RARB: variants seen among roughly 807,000 people sequenced by gnomAD.
The protein encoded by RARB is HBV-activated protein.
RARB carries 17 observed loss-of-function variants against 51.9 expected under a neutral mutation model. The observed-to-expected ratio is 0.33, with a 90% CI of 0.22 to 0.49. The LOEUF is 0.49. Among genes scored for constraint, RARB ranks in the 20% least tolerant of loss-of-function variants. RARB has a pLI of 0.99. For synonymous variants in RARB, 215 were observed against 195.4 expected (o/e 1.10, Z -0.84); for missense variants, 369 against 550.8 (o/e 0.67, Z 3.30).
At chr3:25,176,684 G>GT (rs1271825881) in intron 5 of RARB, among the ~76,000 whole-genome samples, 7 of 151,870 alleles carry the variant, frequency 4.6e-5, no homozygotes, top group Non-Finnish European at 8.8e-5. Context: ...GTGAGCCACC[G>GT]TGCCCGGTCT....
At chr3:25,139,428 G>A (rs1700077805) in intron 4 of RARB, among the ~76,000 whole-genome samples, 1 of 152,154 alleles carries the variant, frequency 6.6e-6, no homozygotes, top group Non-Finnish European at 1.5e-5. Flanking sequence ...AAGTTTTAGT[G>A]GTGTGGATAG....
chr3:25,283,583 G>A (rs1703576996), intron 5 of RARB, among the ~76,000 whole-genome samples: 1 of 152,182 alleles, frequency 6.6e-6, no homozygotes. Context: ...TTATTTAATG[G>A]AAATGGAGTA....
At chr3:25,150,592 G>C (rs80289376) in intron 4 of RARB, among the ~76,000 whole-genome samples, 12,885 of 152,182 alleles carry the variant, frequency 0.085, 713 homozygotes, top group Non-Finnish European at 0.13. Flanking sequence ...ACCCTTTTAA[G>C]AAATCCAGCC....
intron 2 of RARB, among the ~76,000 whole-genome samples, chr3:24,877,345 A>ATTTTTTTTTTTTTT (rs1559379782): frequency 4.5e-4 from 8 of 17,752 alleles, no homozygotes; most frequent in Admixed American, 6.3e-4. Flanking sequence ...AAGCAATCTT[A>ATTTTTTTTTTTTTT]CTTTTTTTTT....
At chr3:25,329,806 A>G (rs1291950238) in intron 5 of RARB, among the ~76,000 whole-genome samples, 3 of 152,238 alleles carry the variant, frequency 2.0e-5, no homozygotes, top group Admixed American at 6.5e-5. Flanking sequence ...TAACCAGTGT[A>G]GAGAAGTCCT....
intron 5 of RARB, among the ~76,000 whole-genome samples, chr3:25,373,804 T>C (rs190936341): frequency 6.6e-6 from 1 of 152,252 alleles, no homozygotes; most frequent in African/African-American, 2.4e-5. Context: ...TGACTTGAAC[T>C]TTAGAGAGGC....
intron 3 of RARB, among the ~76,000 whole-genome samples, chr3:25,087,117 G>T (rs1699119131): frequency 6.6e-6 from 1 of 151,876 alleles, no homozygotes; most frequent in Non-Finnish European, 1.5e-5. Flanking sequence ...GTATCTTATT[G>T]CTACAAAGAG....
At chr3:25,190,282 C>T (rs900588440) in intron 5 of RARB, among the ~76,000 whole-genome samples, 1 of 151,994 alleles carries the variant, frequency 6.6e-6, no homozygotes, top group African/African-American at 2.4e-5. Flanking sequence ...CCTTACACCC[C>T]CAACCAGGCC....
chr3:25,340,219 T>C (rs528187284), intron 5 of RARB, among the ~76,000 whole-genome samples: 2 of 152,074 alleles, frequency 1.3e-5, no homozygotes, highest in Non-Finnish European at 2.9e-5. Flanking sequence ...GAAAGACTAA[T>C]GGAAAAAAAA....
At chr3:25,204,839 G>A (rs1012940521) in intron 5 of RARB, among the ~76,000 whole-genome samples, 1 of 152,188 alleles carries the variant, frequency 6.6e-6, no homozygotes, top group African/African-American at 2.4e-5. Context: ...GCCCCTACTT[G>A]GGGGTGCCTG....
chr3:25,358,429 G>A (rs1705819651), intron 5 of RARB, among the ~76,000 whole-genome samples: 1 of 152,172 alleles, frequency 6.6e-6, no homozygotes, highest in Non-Finnish European at 1.5e-5. Flanking sequence ...TCTGCAAACA[G>A]AGACAACTTG....
At chr3:24,999,874 G>A (rs1156866651) in intron 2 of RARB, among the ~76,000 whole-genome samples, 1 of 152,006 alleles carries the variant, frequency 6.6e-6, no homozygotes, top group African/African-American at 2.4e-5. Flanking sequence ...GACAACTCCA[G>A]GATTACCACT....
chr3:25,391,647 T>G (rs1403001816), intron 5 of RARB, among the ~76,000 whole-genome samples: 2 of 152,184 alleles, frequency 1.3e-5, no homozygotes, highest in African/African-American at 4.8e-5. Context: ...ATTAGTGATG[T>G]GGGGCATTTT....
chr3:24,887,945 G>T (rs148105016), intron 2 of RARB, among the ~76,000 whole-genome samples: 165 of 152,252 alleles, frequency 1.1e-3, no homozygotes, highest in African/African-American at 3.4e-3. Context: ...GATTTTTCTG[G>T]ATCTTGGCCC....
chr3:24,931,773 A>G (rs548254414), intron 2 of RARB, among the ~76,000 whole-genome samples: 1 of 152,220 alleles, frequency 6.6e-6, no homozygotes, highest in East Asian at 1.9e-4. Flanking sequence ...GAGCAGTGCC[A>G]CTGCCACAGC....
intron 1 of RARB, among the ~76,000 whole-genome samples, chr3:25,435,774 G>A (rs1301980079): frequency 6.6e-6 from 1 of 152,142 alleles, no homozygotes; most frequent in African/African-American, 2.4e-5. Flanking sequence ...AATAATTGAT[G>A]AAAAACAAGT....
In RARB at chr3:25,298,155, C is replaced by G. The variant is rs1244133113; in HGVS notation, c.178+123580C>G. ...ACTACTTTGACTATGTAAACACTCACGTAATTTTATTAAGAGTTGCTACCA... is the reference window on the plus strand; with the variant it reads ...ACTACTTTGACTATGTAAACACTCAGGTAATTTTATTAAGAGTTGCTACCA... On this transcript the variant is annotated intron_variant, in intron 5 of 11. Coordinates refer to the RARB transcript ENST00000383772. Among the ~76,000 whole-genome samples, 5 of 150,610 alleles carry G rather than the reference C, an allele frequency of 3.3e-5. No individual in the cohort carries two copies. In the East Asian group the frequency reaches 9.9e-4, roughly 30 times the overall value.
At chr3:25,009,430 T>C (rs1327109518) in intron 2 of RARB, among the ~76,000 whole-genome samples, 1 of 152,140 alleles carries the variant, frequency 6.6e-6, no homozygotes, top group East Asian at 1.9e-4. Context: ...GCTTTTATCC[T>C]CCACTGGTCT....
chr3:25,420,094 G>C (rs1707816984), intron 5 of RARB, among the ~76,000 whole-genome samples: 1 of 152,108 alleles, frequency 6.6e-6, no homozygotes, highest in African/African-American at 2.4e-5. Flanking sequence ...TTACCTGTGT[G>C]TGTGTGCGCG....
Sources: allele counts gnomAD v4.1 joint callset (sites outside exome capture counted in the v4.1 genomes callset), GRCh38; gene constraint gnomAD v4.1.1; transcripts MANE v1.5; gene names NCBI Gene and HGNC (gene_info 2026-07-23, HGNC 2026-07-21).